Variants in TMEM156 observed in about 807,000 individuals in gnomAD.
The protein encoded by TMEM156 is transmembrane protein 156.
In TMEM156, 28 loss-of-function variants were observed where a neutral mutation model predicts 30.5. The ratio of observed to expected loss-of-function variants is 0.92; its 90% confidence interval spans 0.68 to 1.26. The LOEUF is 1.26. Ranked by LOEUF, TMEM156 falls within the 50% of genes most tolerant of loss-of-function variation. The pLI, the probability that TMEM156 is intolerant of heterozygous loss-of-function variation, is 0.00. For synonymous variants in TMEM156, 137 were observed against 119.9 expected, an observed-to-expected ratio of 1.14 and a Z score of -0.93; for missense variants, 351 against 340.6, an observed-to-expected ratio of 1.03 and a Z score of -0.24.
rs1331577291 is a variant in TMEM156, at chr4:39,032,402, G to C, written c.-89C>G. The C allele has an allele frequency of 1.5e-6, 1 of 658,296 alleles. No homozygotes were observed. Among genetic ancestry groups the C allele is most frequent in the Admixed American group, 2.6e-5 (1 of 38,628 alleles). 40.8% of individuals were successfully genotyped at this position (658,296 alleles called of 1,614,324 possible). ...TAAGTTTATCTCTGCAGCACTTTAG[G>C]TTAATGCAGTTCACCTCATACTCAC... On this transcript the variant is annotated 5_prime_UTR_variant, in exon 1 of 7. Coordinates refer to ENST00000381938, the MANE Select transcript of TMEM156 (RefSeq NM_024943.3).
At chr4:38,987,339 C>T (rs938895377) in intron 4 of TMEM156, among the ~76,000 whole-genome samples, 4 of 152,156 alleles carry the variant, frequency 2.6e-5, no homozygotes, top group African/African-American at 9.7e-5. Flanking sequence ...AGCATATATC[C>T]TGTTTACACA....
intron 5 of TMEM156, among the ~76,000 whole-genome samples, chr4:38,974,915 C>T (rs144062187): frequency 0.016 from 2,503 of 152,078 alleles, 29 homozygotes; most frequent in East Asian, 0.061. Flanking sequence ...TCAGGTGAAC[C>T]GCCCACCTCG....
chr4:39,019,581 T>C (rs564995521), intron 1 of TMEM156, among the ~76,000 whole-genome samples: 2 of 152,338 alleles, frequency 1.3e-5, no homozygotes, highest in East Asian at 3.9e-4. Flanking sequence ...GTACGAATTG[T>C]TGCTATTTTT....
chr4:38,976,578 C>G (rs1722865676), intron 5 of TMEM156, among the ~76,000 whole-genome samples: 1 of 152,284 alleles, frequency 6.6e-6, no homozygotes, highest in South Asian at 2.1e-4. Context: ...GATATCTGAC[C>G]AACAGAAACT....
At position 38,998,792 on chromosome 4, in the gene TMEM156, A is replaced by G; in HGVS notation, c.206T>C (p.Ile69Thr). The G allele has an allele frequency of 6.2e-7, 1 of 1,614,002 alleles. No individual in the cohort carries two copies. Among genetic ancestry groups the G allele is most frequent in the African/African-American group, 1.3e-5 (1 of 75,050 alleles). ...GGGATTTAGAAAGATTCTCATGATAATCTGAGTTTCCCTTACTGGTTGCAG... is the reference window on the plus strand; with the variant it reads ...GGGATTTAGAAAGATTCTCATGATAGTCTGAGTTTCCCTTACTGGTTGCAG... ...TFLQPVRETQ[I>T]IMRIFLNPSN... is the part of the protein sequence containing the mutation. The change falls in exon 2 of 7, where the codon ATT (isoleucine) becomes ACT (threonine). Residue 69 changes from isoleucine to threonine, a missense_variant. Ile to Thr is a moderately conservative substitution (Grantham distance 89). Coordinates refer to ENST00000381938, the MANE Select transcript of TMEM156 (RefSeq NM_024943.3).
chr4:38,978,531 C>G (rs527582246), intron 5 of TMEM156, among the ~76,000 whole-genome samples: 56 of 152,170 alleles, frequency 3.7e-4, no homozygotes, highest in Non-Finnish European at 7.2e-4. Flanking sequence ...CGCTCAGCAA[C>G]AGGGTATGGG....
chr4:39,024,884 G>A (rs979233432), intron 1 of TMEM156, among the ~76,000 whole-genome samples: 3 of 152,134 alleles, frequency 2.0e-5, no homozygotes, highest in Non-Finnish European at 4.4e-5. Flanking sequence ...TAAAAACATA[G>A]TCGATTATTT....
chr4:39,028,819 C>T (rs1577595443), intron 1 of TMEM156, among the ~76,000 whole-genome samples: 1 of 152,136 alleles, frequency 6.6e-6, no homozygotes, highest in Non-Finnish European at 1.5e-5. Flanking sequence ...TGCATCAAAC[C>T]ATTATATTAA....
chr4:39,001,529 G>T (rs1302384070), intron 1 of TMEM156, among the ~76,000 whole-genome samples: 2 of 147,388 alleles, frequency 1.4e-5, no homozygotes, highest in African/African-American at 2.5e-5. Flanking sequence ...CACAATGAAA[G>T]AATTACTTCT....
At chr4:39,012,604 G>C (rs1462438844) in intron 1 of TMEM156, among the ~76,000 whole-genome samples, 1 of 152,258 alleles carries the variant, frequency 6.6e-6, no homozygotes, top group South Asian at 2.1e-4. Context: ...TCAGGAGTTC[G>C]AGACCAGCCT....
chr4:38,982,528 C>T (rs1711656907), intron 5 of TMEM156, among the ~76,000 whole-genome samples: 1 of 152,186 alleles, frequency 6.6e-6, no homozygotes, highest in South Asian at 2.1e-4. Flanking sequence ...TTCCCAATCT[C>T]TCAGACTCAT....
intron 1 of TMEM156, among the ~76,000 whole-genome samples, chr4:39,002,574 C>T (rs2109992381): frequency 7.0e-6 from 1 of 143,678 alleles, no homozygotes; most frequent in Non-Finnish European, 1.5e-5. Context: ...GCTATAAAGA[C>T]ACATGCACAC....
chr4:39,003,227 T>C (rs1278907452), intron 1 of TMEM156, among the ~76,000 whole-genome samples: 1 of 152,104 alleles, frequency 6.6e-6, no homozygotes, highest in Non-Finnish European at 1.5e-5. Context: ...AAGAGCTAAT[T>C]TACTAGCCTT....
intron 5 of TMEM156, among the ~76,000 whole-genome samples, chr4:38,977,216 T>G (rs1277366919): frequency 6.6e-6 from 1 of 152,198 alleles, no homozygotes. Context: ...AGATCATTCT[T>G]TATAAAGGTT....
chr4:39,016,844 G>A (rs1418808045), intron 1 of TMEM156, among the ~76,000 whole-genome samples: 1 of 152,116 alleles, frequency 6.6e-6, no homozygotes, highest in Non-Finnish European at 1.5e-5. Flanking sequence ...ACATACCCGA[G>A]ACTGGGTAAA....
intron 1 of TMEM156, among the ~76,000 whole-genome samples, chr4:39,007,413 C>CTTTTTT: frequency 7.3e-6 from 1 of 136,112 alleles, no homozygotes; most frequent in Non-Finnish European, 1.5e-5. Context: ...TTCTTCCTTT[C>CTTTTTT]TTTTTATTTA....
At chr4:38,994,767 G>C (rs930770978) in intron 2 of TMEM156, among the ~76,000 whole-genome samples, 2 of 152,080 alleles carry the variant, frequency 1.3e-5, no homozygotes, top group Admixed American at 1.3e-4. Flanking sequence ...GGCCAACATG[G>C]CAAAATCCTA....
intron 5 of TMEM156, among the ~76,000 whole-genome samples, chr4:38,985,659 G>C (rs528810938): frequency 6.6e-6 from 1 of 152,242 alleles, no homozygotes; most frequent in Admixed American, 6.5e-5. Context: ...AGGAGCTTTG[G>C]TAACAGCACT....
chr4:38,971,195 G>A, intron 5 of TMEM156, 58 bp from the exon 6 acceptor site: 1 of 1,509,464 alleles, frequency 6.6e-7, no homozygotes, highest in Non-Finnish European at 9.2e-7. Flanking sequence ...AAAGAGACAG[G>A]CTTATTCTAA....
Sources: gnomAD v4.1 joint callset for allele counts (sites outside exome capture counted in the v4.1 genomes callset) on GRCh38, gnomAD v4.1.1 for gene constraint, MANE v1.5 for transcripts, NCBI Gene and HGNC (gene_info 2026-07-23, HGNC 2026-07-21) for gene names.